The following KIF26B variants were observed in gnomAD, a reference collection of about 807,000 sequenced individuals.
KIF26B encodes the protein kinesin-like protein KIF26B.
In KIF26B, 63 loss-of-function variants were observed where a neutral mutation model predicts 151.2. The ratio of observed to expected loss-of-function variants is 0.42; its 90% CI spans 0.34 to 0.51. KIF26B has a LOEUF of 0.51. Among genes scored for constraint, KIF26B ranks in the 20% least tolerant of loss-of-function variants. The pLI is 0.07. For synonymous variants in KIF26B, 1,357 were observed against 1,262.1 expected, an observed-to-expected ratio of 1.08 and a Z score of -1.59; for missense variants, 2,813 against 2,913.6, an observed-to-expected ratio of 0.97 and a Z score of 0.79.
In KIF26B at chr1:245,318,845, C is replaced by CTT. The variant is rs1671830658; in HGVS notation, c.466-47986_466-47985dup. ...AAGAGTTTCTCGGTCACAAGGGAAA[C>CTT]TTTTACTATTTGAAATCAGCCTGAG... is the stretch of plus-strand genomic sequence containing the variant. On this transcript the variant is annotated intron_variant, in intron 2 of 14. Coordinates refer to ENST00000407071, the MANE Select transcript of KIF26B (RefSeq NM_018012.4). The surrounding 1 kb of genome is among the most constrained non-coding windows in gnomAD (Gnocchi z 4.0). Among the ~76,000 whole-genome samples the CTT allele has an allele frequency of 6.6e-6, 1 of 151,276 alleles. No homozygotes were observed. Among genetic ancestry groups the CTT allele is most frequent in the Non-Finnish European group, 1.5e-5 (1 of 67,928 alleles).
intron 8 of KIF26B, among the ~76,000 whole-genome samples, chr1:245,610,202 TG>T (rs1273145586): frequency 1.3e-5 from 2 of 152,176 alleles, no homozygotes; most frequent in Non-Finnish European, 1.5e-5. Flanking sequence ...TGTAGATAGG[TG>T]TTCCGTTTGA....
At chr1:245,315,367 C>T (rs1299214668) in intron 2 of KIF26B, among the ~76,000 whole-genome samples, 2 of 151,768 alleles carry the variant, frequency 1.3e-5, no homozygotes, top group East Asian at 1.9e-4. Context: ...GTTCAAGGTA[C>T]ATTGCTTGAG....
rs1290539274 is a variant in KIF26B, at chr1:245,167,790, C to A, written c.465+11107C>A. 1.3e-5 allele frequency among the ~76,000 whole-genome samples: 2 copies of A among 151,952 alleles called. No homozygotes were observed. The highest frequency in any genetic ancestry group is 2.9e-5 in the Non-Finnish European group (2 of 68,000). Reference sequence around the variant, plus strand: ...GCTGGGAATTAGAGCATCAGGTGTCCTTTACCAAGACAGGCAGCGTGGTGA... The same window carrying A: ...GCTGGGAATTAGAGCATCAGGTGTCATTTACCAAGACAGGCAGCGTGGTGA... On this transcript the variant is annotated intron_variant, in intron 2 of 14. Transcript: ENST00000407071. The surrounding 1 kb of genome is among the most constrained non-coding windows in gnomAD (Gnocchi z 4.2).
intron 2 of KIF26B, among the ~76,000 whole-genome samples, chr1:245,350,423 G>A (rs1403912492): frequency 2.0e-5 from 3 of 152,058 alleles, no homozygotes; most frequent in Admixed American, 6.5e-5. Flanking sequence ...TCTGCCTTAC[G>A]TCTTGGGCCA....
chr1:245,184,004 C>A (rs1004923990), intron 2 of KIF26B, among the ~76,000 whole-genome samples: 19 of 139,536 alleles, frequency 1.4e-4, no homozygotes, highest in Non-Finnish European at 2.7e-4. Flanking sequence ...TTTTTTCCTA[C>A]ATCTTGACCC....
chr1:245,176,317 C>A (rs1668808822), intron 2 of KIF26B, among the ~76,000 whole-genome samples: 1 of 152,042 alleles, frequency 6.6e-6, no homozygotes, highest in Non-Finnish European at 1.5e-5. Flanking sequence ...AGGCGCCTGG[C>A]CTTCAAAACA....
intron 12 of KIF26B, among the ~76,000 whole-genome samples, chr1:245,693,714 T>G (rs1572210577): frequency 6.6e-6 from 1 of 152,150 alleles, no homozygotes; most frequent in Admixed American, 6.5e-5. Context: ...TGTGACTAAT[T>G]GCTCCTCACC....
chr1:245,660,868 T>C (rs114447881), intron 10 of KIF26B, among the ~76,000 whole-genome samples: 15 of 152,010 alleles, frequency 9.9e-5, no homozygotes. Context: ...GAAGCTGGAG[T>C]GTAGTGGTGC....
intron 10 of KIF26B, among the ~76,000 whole-genome samples, chr1:245,664,747 A>G (rs1362318364): frequency 6.6e-6 from 1 of 152,210 alleles, no homozygotes; most frequent in Non-Finnish European, 1.5e-5. Context: ...ATCACTTAAT[A>G]TACTTTTGTG....
chr1:245,190,132 A>T (rs894170146), intron 2 of KIF26B, among the ~76,000 whole-genome samples: 1 of 152,152 alleles, frequency 6.6e-6, no homozygotes, highest in East Asian at 1.9e-4. Flanking sequence ...TGAGAACAGT[A>T]TGGGGAAACT....
At chr1:245,184,097 T>C (rs1668961369) in intron 2 of KIF26B, among the ~76,000 whole-genome samples, 1 of 142,210 alleles carries the variant, frequency 7.0e-6, no homozygotes, top group East Asian at 2.1e-4. Flanking sequence ...CCTGTGGTTT[T>C]CCTCCAAGTC....
intron 3 of KIF26B, among the ~76,000 whole-genome samples, chr1:245,416,299 A>AAAAG (rs1674419211): frequency 1.3e-5 from 2 of 151,504 alleles, no homozygotes; most frequent in Admixed American, 6.6e-5. Flanking sequence ...AAAAAAAAAA[A>AAAAG]GAATCAAACA....
intron 2 of KIF26B, among the ~76,000 whole-genome samples, chr1:245,237,707 G>T (rs1670138850): frequency 6.6e-6 from 1 of 152,142 alleles, no homozygotes; most frequent in Non-Finnish European, 1.5e-5. Flanking sequence ...AATACAGGGA[G>T]TCTGCAAATT....
chr1:245,451,756 T>C (rs1337309149), intron 4 of KIF26B, among the ~76,000 whole-genome samples: 2 of 151,924 alleles, frequency 1.3e-5, no homozygotes, highest in Non-Finnish European at 2.9e-5. Context: ...CCCGCCATCA[T>C]GACCAGCTAA....
chr1:245,680,267 C>A (rs1042002543), intron 10 of KIF26B, among the ~76,000 whole-genome samples: 6 of 152,156 alleles, frequency 3.9e-5, no homozygotes, highest in Non-Finnish European at 7.3e-5. Context: ...GCTTTCTATG[C>A]ACCATGTTTT....
intron 2 of KIF26B, among the ~76,000 whole-genome samples, chr1:245,339,509 T>A (rs1471208967): frequency 1.3e-5 from 2 of 152,186 alleles, no homozygotes; most frequent in Non-Finnish European, 2.9e-5. Flanking sequence ...AAGACAAGTT[T>A]CTGAGATTGT....
intron 6 of KIF26B, among the ~76,000 whole-genome samples, chr1:245,604,887 G>T (rs2043434442): frequency 6.6e-6 from 1 of 152,184 alleles, no homozygotes; most frequent in Non-Finnish European, 1.5e-5. Flanking sequence ...ATTCAGTGGG[G>T]TAGGAAGAGA....
At position 245,367,300 on chromosome 1, in the gene KIF26B, C is replaced by T. The variant is rs765500431; in HGVS notation, c.932C>T (p.Ala311Val). 2 of 1,596,570 alleles carry T rather than the reference C, an allele frequency of 1.3e-6. No individual in the cohort carries two copies. Among genetic ancestry groups the T allele is most frequent in the Admixed American group, 3.5e-5 (2 of 57,176 alleles). ...GNILNSVAIQAHQYLDGTWSL... is the reference protein window; with the variant it reads ...GNILNSVAIQVHQYLDGTWSL... ...ATCCTCAATTCGGTGGCCATCCAGG[C>T]TCACCAGTACCTGGATGGCACCTGG... Residue 311 changes from alanine to valine, a missense_variant, in exon 3 of 15, where the codon GCT becomes GTT. Around this residue, in one of 3 missense-constraint regions of KIF26B, gnomAD observed 676 missense variants for 688.1 expected, o/e 0.98. Transcript: ENST00000407071. This position sits in a 1 kb window ranked among gnomAD's most constrained non-coding sequence, Gnocchi z 4.2.
intron 4 of KIF26B, among the ~76,000 whole-genome samples, chr1:245,537,759 T>A (rs1661518825): frequency 6.6e-6 from 1 of 152,182 alleles, no homozygotes. Flanking sequence ...AGGAAAAACA[T>A]CAGGACTTCA....
Sources: gnomAD v4.1 joint callset for allele counts (sites outside exome capture counted in the v4.1 genomes callset) on GRCh38, gnomAD v4.1.1 for gene constraint, gnomAD v4.1.1 regional missense constraint, Gnocchi (gnomAD v3.1) non-coding constraint, MANE v1.5 for transcripts, NCBI Gene and HGNC (gene_info 2026-07-23, HGNC 2026-07-21) for gene names.